Variants in NR6A1 observed in about 807,000 individuals in gnomAD.
NR6A1 encodes nuclear receptor subfamily 6 group A member 1.
NR6A1 carries 7 observed loss-of-function variants against 59.1 expected under a neutral mutation model. The observed-to-expected ratio is 0.12, with a 90% CI of 0.07 to 0.22. The LOEUF is 0.22. Among genes scored for constraint, NR6A1 ranks in the 10% least tolerant of loss-of-function variants. NR6A1 has a pLI of 1.00. For synonymous variants in NR6A1, 243 were observed against 236.1 expected, an observed-to-expected ratio of 1.03 and a Z score of -0.27; for missense variants, 468 against 611.6, an observed-to-expected ratio of 0.77 and a Z score of 2.48.
At chr9:124,632,371 G>A (rs1298392758) in intron 2 of NR6A1, among the ~76,000 whole-genome samples, 1 of 152,204 alleles carries the variant, frequency 6.6e-6, no homozygotes, top group Non-Finnish European at 1.5e-5. Flanking sequence ...TGACTGGTGT[G>A]AGATTGTATC....
chr9:124,566,945 A>G (rs1331538654), intron 2 of NR6A1, among the ~76,000 whole-genome samples: 4 of 151,926 alleles, frequency 2.6e-5, no homozygotes, highest in Non-Finnish European at 5.9e-5. Context: ...CGTCTCTACT[A>G]AAAATACAAA....
At chr9:124,655,673 T>G (rs1051589962) in intron 2 of NR6A1, among the ~76,000 whole-genome samples, 1 of 152,260 alleles carries the variant, frequency 6.6e-6, no homozygotes, top group East Asian at 1.9e-4. Context: ...TTAGGTGTCA[T>G]CCAGGAAGGC....
chr9:124,757,398 A>G (rs1840662785), intron 1 of NR6A1, among the ~76,000 whole-genome samples: 1 of 152,080 alleles, frequency 6.6e-6, no homozygotes, highest in Non-Finnish European at 1.5e-5. Flanking sequence ...CAGGAGAAAA[A>G]ACATTTAAAA....
At chr9:124,534,072 C>CTTT (rs113862423) in intron 7 of NR6A1, among the ~76,000 whole-genome samples, 1 of 135,700 alleles carries the variant, frequency 7.4e-6, no homozygotes, top group Non-Finnish European at 1.6e-5. Flanking sequence ...CATTATAAGA[C>CTTT]TTTTTTTTTT....
intron 2 of NR6A1, among the ~76,000 whole-genome samples, chr9:124,637,398 T>G (rs767419630): frequency 6.6e-6 from 1 of 152,212 alleles, no homozygotes; most frequent in Non-Finnish European, 1.5e-5. Context: ...TAACACATAC[T>G]TACTGTAGCT....
intron 2 of NR6A1, among the ~76,000 whole-genome samples, chr9:124,577,455 T>C (rs1234428605): frequency 6.6e-6 from 1 of 152,250 alleles, no homozygotes; most frequent in Non-Finnish European, 1.5e-5. Context: ...GTGTTTGTTA[T>C]ATATCTCAGT....
chr9:124,545,415 G>A (rs1341822713), intron 3 of NR6A1, among the ~76,000 whole-genome samples: 1 of 152,172 alleles, frequency 6.6e-6, no homozygotes, highest in Non-Finnish European at 1.5e-5. Flanking sequence ...CTAAATGGAG[G>A]CAACAGGGTC....
chr9:124,646,024 G>A (rs548530678), intron 2 of NR6A1, among the ~76,000 whole-genome samples: 1 of 151,868 alleles, frequency 6.6e-6, no homozygotes, highest in South Asian at 2.1e-4. Context: ...TAAAAACATG[G>A]GTCAAAGAAG....
At chr9:124,638,426 T>C (rs1836680954) in intron 2 of NR6A1, among the ~76,000 whole-genome samples, 1 of 152,198 alleles carries the variant, frequency 6.6e-6, no homozygotes, top group Non-Finnish European at 1.5e-5. Context: ...GTTTTCTCTC[T>C]CCTGACATTA....
At chr9:124,542,309 T>C (rs535496602) in intron 4 of NR6A1, among the ~76,000 whole-genome samples, 2 of 151,762 alleles carry the variant, frequency 1.3e-5, no homozygotes, top group Non-Finnish European at 2.9e-5. Flanking sequence ...CACAGCAGAG[T>C]TGGGAATCAC....
At chr9:124,595,757 G>T in intron 2 of NR6A1, 1 of 1,285,450 alleles carries the variant, frequency 7.8e-7, no homozygotes. Flanking sequence ...ACCTTCCCAT[G>T]TCTCCATTTC....
intron 1 of NR6A1, among the ~76,000 whole-genome samples, chr9:124,742,746 C>T (rs980176283): frequency 6.6e-6 from 1 of 151,734 alleles, no homozygotes; most frequent in African/African-American, 2.4e-5. Flanking sequence ...CATGGTGGTA[C>T]GCGCCTGTAG....
chr9:124,737,465 C>A (rs1457306024), intron 1 of NR6A1, among the ~76,000 whole-genome samples: 1 of 152,220 alleles, frequency 6.6e-6, no homozygotes, highest in East Asian at 1.9e-4. Context: ...CAAAATGATT[C>A]TTAGCTAGAA....
chr9:124,552,298 G>A (rs1404763861), intron 3 of NR6A1, among the ~76,000 whole-genome samples: 1 of 152,170 alleles, frequency 6.6e-6, no homozygotes, highest in Non-Finnish European at 1.5e-5. Flanking sequence ...GACAGTACAT[G>A]TTTGGTATTG....
chr9:124,726,247 A>G (rs1194866510), intron 2 of NR6A1, among the ~76,000 whole-genome samples: 2 of 152,176 alleles, frequency 1.3e-5, no homozygotes, highest in African/African-American at 4.8e-5. Context: ...ACCAGTCTCC[A>G]TGACCAAAAA....
At chr9:124,682,787 C>T (rs189821744) in intron 2 of NR6A1, among the ~76,000 whole-genome samples, 1 of 152,278 alleles carries the variant, frequency 6.6e-6, no homozygotes, top group African/African-American at 2.4e-5. Context: ...AAACATTGCT[C>T]TATGGACAAT....
Position 124,623,337 on chromosome 9 carries a change from C to T in NR6A1, c.143-68767G>A, listed in dbSNP as rs1836134190. ...AGAGGACTGAGAGGATAGTGTATGT[C>T]TCATGAGTCCAATTATTATTATTAT... is the stretch of plus-strand genomic sequence containing the variant. On this transcript the variant is annotated intron_variant, in intron 2 of 9. Transcript: ENST00000487099. Among the ~76,000 whole-genome samples, 3 of 151,828 alleles carry T rather than the reference C, an allele frequency of 2.0e-5. No individual in the cohort carries two copies. The South Asian group carries it at 6.2e-4, about 32-fold the overall frequency.
intron 2 of NR6A1, among the ~76,000 whole-genome samples, chr9:124,641,226 G>A (rs1416756519): frequency 2.0e-5 from 3 of 151,840 alleles, no homozygotes; most frequent in African/African-American, 4.8e-5. Flanking sequence ...GAGCATGGTG[G>A]TGCATGCCTG....
chr9:124,538,440 CA>C (rs1833347886), intron 5 of NR6A1, 121 bp from the exon 6 acceptor site: 1 of 682,064 alleles, frequency 1.5e-6, no homozygotes, highest in South Asian at 1.9e-5. Context: ...TTCATCAAGC[CA>C]GGGGGCATAA....
Sources: gnomAD v4.1 joint callset for allele counts (sites outside exome capture counted in the v4.1 genomes callset) on GRCh38, gnomAD v4.1.1 for gene constraint, MANE v1.5 for transcripts, NCBI Gene and HGNC (gene_info 2026-07-23, HGNC 2026-07-21) for gene names.